The following TNNT3 variants were observed in gnomAD, a reference collection of about 807,000 sequenced individuals.
TNNT3 encodes troponin T, fast skeletal muscle.
A neutral mutation model predicts 54.2 loss-of-function variants in TNNT3; 36 were observed. The observed-to-expected ratio is 0.66, with a 90% CI of 0.51 to 0.88. The LOEUF (loss-of-function observed/expected upper bound fraction) is 0.88. Ranked by LOEUF, TNNT3 falls within the 40% of genes least tolerant of loss-of-function variation. The probability of loss-of-function intolerance (pLI) is 0.00; values close to 1 mark genes in which losing one functional copy is unlikely to be tolerated. For synonymous variants in TNNT3, 120 were observed against 109.7 expected (o/e 1.09, Z -0.59); for missense variants, 291 against 331.6 (o/e 0.88, Z 0.95).
At chr11:1,926,452 C>G in intron 5 of TNNT3, 1 of 1,613,240 alleles carries the variant, frequency 6.2e-7, no homozygotes, top group African/African-American at 1.3e-5. Context: ...TGTTCCGTGG[C>G]CTCCTTGGCC....
chr11:1,926,567 AC>A, intron 5 of TNNT3, 127 bp from the exon 6 acceptor site: 3 of 1,607,934 alleles, frequency 1.9e-6, no homozygotes, highest in Non-Finnish European at 2.6e-6. Flanking sequence ...GGGCCGCGTA[AC>A]CCTGCACAGC....
At chr11:1,936,307 G>A in intron 14 of TNNT3, 1 of 1,595,126 alleles carries the variant, frequency 6.3e-7, no homozygotes. Flanking sequence ...GTTGCACGGT[G>A]AGGTGAACCT....
At chr11:1,937,864 G>A (rs937632681) in intron 15 of TNNT3, among the ~76,000 whole-genome samples, 7 of 152,206 alleles carry the variant, frequency 4.6e-5, no homozygotes, top group African/African-American at 7.2e-5. Context: ...TGCATGTGCC[G>A]AGAGTGCCCA....
At chr11:1,926,790 C>T in intron 6 of TNNT3, 81 bp downstream of exon 6, 3 of 1,579,476 alleles carry the variant, frequency 1.9e-6, no homozygotes, top group Non-Finnish European at 1.7e-6. Flanking sequence ...TCTTGCCCAC[C>T]CCTTGTGACG....
intron 14 of TNNT3, chr11:1,935,246 C>G (rs577727100): frequency 6.9e-6 from 3 of 433,414 alleles, no homozygotes; most frequent in African/African-American, 2.0e-5. Flanking sequence ...TTTCGGAACC[C>G]CTTTAAGCTT....
At chr11:1,925,602 T>C (rs1332328428) in intron 5 of TNNT3, among the ~76,000 whole-genome samples, 1 of 151,984 alleles carries the variant, frequency 6.6e-6, no homozygotes, top group Non-Finnish European at 1.5e-5. Flanking sequence ...ACCCTAGTCC[T>C]CCACCCCAGG....
chr11:1,921,589 C>T (rs1034806237), intron 1 of TNNT3: 3 of 152,160 alleles, frequency 2.0e-5, no homozygotes, highest in Non-Finnish European at 4.4e-5. Flanking sequence ...AAAAAGCTAC[C>T]CCCGTTGCCT....
At chr11:1,928,498 G>A (rs1250759014) in intron 6 of TNNT3, among the ~76,000 whole-genome samples, 1 of 152,190 alleles carries the variant, frequency 6.6e-6, no homozygotes, top group East Asian at 1.9e-4. Context: ...AGGGATGAGT[G>A]CGCCTGGGCT....
rs1229991813 is a variant in TNNT3 at position 1,929,111 on chromosome 11, A to T, written c.83-9A>T. Reference sequence around the variant, plus strand: ...TGCATGTGTGCTTGTGCCTTTTGCCACCTGGAAGACACCGCAGAGGAGGAC... The same window carrying T: ...TGCATGTGTGCTTGTGCCTTTTGCCTCCTGGAAGACACCGCAGAGGAGGAC... On this transcript the variant is annotated splice_polypyrimidine_tract_variant and intron_variant, in intron 6 of 15. Transcript: ENST00000278317. The T allele has an allele frequency of 6.2e-7, 1 of 1,613,280 alleles. No individual in the cohort carries two copies. The highest frequency in any genetic ancestry group is 1.3e-5 in the African/African-American group (1 of 75,034).
intron 15 of TNNT3, among the ~76,000 whole-genome samples, chr11:1,937,943 C>A (rs551643606): frequency 6.6e-6 from 1 of 152,178 alleles, no homozygotes; most frequent in Non-Finnish European, 1.5e-5. Flanking sequence ...TGAATGGGGC[C>A]GGCCTCGCGG....
intron 14 of TNNT3, chr11:1,936,187 G>A (rs1398526444): frequency 6.2e-7 from 1 of 1,613,624 alleles, no homozygotes; most frequent in Non-Finnish European, 8.5e-7. Flanking sequence ...CGCCCATCCA[G>A]CCTTGTAACC....
chr11:1,932,463 C>T lies in TNNT3; in HGVS notation c.126-6C>T. On this transcript the variant is annotated splice_region_variant and splice_polypyrimidine_tract_variant and intron_variant, in intron 8 of 15. Transcript: ENST00000278317. ...CTGCTCACGGGCCTCTCTGTCTCCTCTTCAGACTCACTGCTCCTAAGATCC... is the reference window on the plus strand; with the variant it reads ...CTGCTCACGGGCCTCTCTGTCTCCTTTTCAGACTCACTGCTCCTAAGATCC... 1 of 1,613,716 alleles carries T rather than the reference C, an allele frequency of 6.2e-7. No homozygotes were observed. Among genetic ancestry groups the T allele is most frequent in the Non-Finnish European group, 8.5e-7 (1 of 1,179,974 alleles).
intron 1 of TNNT3, chr11:1,921,411 A>G: frequency 6.6e-6 from 1 of 152,612 alleles, no homozygotes; most frequent in Non-Finnish European, 1.5e-5. Context: ...ACCAGCTGGG[A>G]GGACAGCACG....
At chr11:1,935,870 C>T (rs1051203731) in intron 14 of TNNT3, among the ~76,000 whole-genome samples, 1 of 152,134 alleles carries the variant, frequency 6.6e-6, no homozygotes, top group Admixed American at 6.5e-5. Context: ...ACCTGTTCCA[C>T]CTGAGCTTCC....
chr11:1,922,100 G>A lies in TNNT3; in HGVS notation c.-18-757G>A, dbSNP rs189636767. 3.2e-3 allele frequency among the ~76,000 whole-genome samples: 483 copies of A among 151,718 alleles called. 2 individuals carry two copies. Among genetic ancestry groups the A allele is most frequent in the African/African-American group, 0.011 (451 of 40,976 alleles). On this transcript the variant is annotated intron_variant, in intron 1 of 15. Coordinates refer to ENST00000278317, the MANE Select transcript of TNNT3 (RefSeq NM_006757.4). The stretch of plus-strand genomic sequence containing the variant: ...TCCAAGTATGCCTTGTACAGAGCCC[G>A]GCCCGGGGGGGTGCACGGGAAGCGG...
chr11:1,928,696 G>C (rs745468562), intron 6 of TNNT3, among the ~76,000 whole-genome samples: 5 of 152,154 alleles, frequency 3.3e-5, no homozygotes, highest in Admixed American at 6.5e-5. Context: ...GTCAGGCTCC[G>C]GGAAGCACGA....
intron 15 of TNNT3, among the ~76,000 whole-genome samples, chr11:1,937,701 C>G (rs1318955327): frequency 1.3e-5 from 2 of 152,232 alleles, no homozygotes; most frequent in Admixed American, 6.5e-5. Flanking sequence ...CTCCCTCCTC[C>G]TGTCGCCTTG....
Position 1,923,563 on chromosome 11 carries a change from G to C in TNNT3, c.40G>C (p.Glu14Gln), listed in dbSNP as rs768888979. 4.5e-5 allele frequency: 72 copies of C among 1,613,354 alleles called. No homozygotes were observed. The highest frequency in any genetic ancestry group is 5.8e-5 in the Non-Finnish European group (68 of 1,179,868). The change falls in exon 4 of 16, where the codon GAA becomes CAA. Residue 14 changes from glutamate to glutamine, a missense_variant. Transcript: ENST00000278317. ...EEVEQVEEQY[E>Q]EEEEAQEEEE... ...GTTCTGTCCCAATGCAGAGCAGTAC[G>C]AAGAAGAAGGTAATTCTGGCAACCA...
chr11:1,933,377 C>T (rs1249571325), intron 9 of TNNT3, among the ~76,000 whole-genome samples: 4 of 152,202 alleles, frequency 2.6e-5, no homozygotes, highest in Non-Finnish European at 5.9e-5. Context: ...ATTTCTCTCA[C>T]TCTGCAGTCT....
Sources: allele counts gnomAD v4.1 joint callset (sites outside exome capture counted in the v4.1 genomes callset), GRCh38; gene constraint gnomAD v4.1.1; transcripts MANE v1.5; gene names NCBI Gene and HGNC (gene_info 2026-07-23, HGNC 2026-07-21).